Variants in CPSF2 observed in about 807,000 individuals in gnomAD.
The protein encoded by CPSF2 is cleavage and polyadenylation specificity factor subunit 2.
In CPSF2, 51 loss-of-function variants were observed where a neutral mutation model predicts 84.2. The observed-to-expected ratio is 0.61, with a 90% confidence interval of 0.48 to 0.77. The LOEUF (loss-of-function observed/expected upper bound fraction) is 0.77. Among genes scored for constraint, CPSF2 ranks in the 30% least tolerant of loss-of-function variants. The probability of loss-of-function intolerance (pLI) is 0.00; values close to 1 mark genes in which losing one functional copy is unlikely to be tolerated. For synonymous variants in CPSF2, 286 were observed against 311.9 expected, an observed-to-expected ratio of 0.92 and a Z score of 0.87; for missense variants, 641 against 929.4, an observed-to-expected ratio of 0.69 and a Z score of 4.03.
Position 92,166,381 on chromosome 14 carries a change from C to G in CPSF2, c.*4637C>G, listed in dbSNP as rs948450739. On this transcript the variant is annotated 3_prime_UTR_variant, in exon 16 of 16. Coordinates refer to ENST00000298875, the MANE Select transcript of CPSF2 (RefSeq NM_017437.3). The stretch of plus-strand genomic sequence containing the variant: ...TTTCTTTTTGAGGCAGGGTCTCACT[C>G]TGTCACGCAGGCTTGTGTGCATTGG... 6.6e-6 allele frequency: 1 copy of G among 152,100 alleles called. No individual in the cohort carries two copies. The highest frequency in any genetic ancestry group is 1.5e-5 in the Non-Finnish European group (1 of 68,044). The allele number at this position is 152,100 out of a possible 1,614,324, so 9.4% of individuals were successfully genotyped here. A position where few individuals can be genotyped will look rare whatever the true frequency, so the allele number is the denominator to read the frequency against.
In CPSF2 at chr14:92,161,875, T is replaced by C; in HGVS notation, c.*131T>C. The C allele has an allele frequency of 3.4e-6, 2 of 586,240 alleles. No homozygotes were observed. The highest frequency in any genetic ancestry group is 5.8e-6 in the Non-Finnish European group (2 of 342,214). The allele number at this position is 586,240 out of a possible 1,614,324, so 36.3% of individuals were successfully genotyped here. On this transcript the variant is annotated 3_prime_UTR_variant, in exon 16 of 16. Coordinates refer to ENST00000298875, the MANE Select transcript of CPSF2 (RefSeq NM_017437.3). The stretch of plus-strand genomic sequence containing the variant: ...GCCAGAAAAACTTACATGTATCAGA[T>C]TTTTAAAAATATAAATAGAGAACAT...
chr14:92,158,624 C>T (rs1056166200), intron 13 of CPSF2, among the ~76,000 whole-genome samples: 3 of 152,208 alleles, frequency 2.0e-5, no homozygotes, highest in Non-Finnish European at 2.9e-5. Flanking sequence ...TCAACCTTGA[C>T]TGCACATAAG....
chr14:92,130,825 A>T, intron 2 of CPSF2, 126 bp from the exon 3 acceptor site: 1 of 610,490 alleles, frequency 1.6e-6, no homozygotes, highest in Non-Finnish European at 2.6e-6. Flanking sequence ...ATGGGCCTTT[A>T]AACTGCTTTT....
intron 9 of CPSF2, among the ~76,000 whole-genome samples, chr14:92,146,754 C>G (rs1465427486): frequency 1.3e-5 from 2 of 152,186 alleles, no homozygotes. Context: ...TCTTCTCTTT[C>G]AATAAAATCC....
chr14:92,143,580 C>A (rs1350277623), intron 9 of CPSF2, among the ~76,000 whole-genome samples: 2 of 151,994 alleles, frequency 1.3e-5, no homozygotes, highest in East Asian at 3.9e-4. Flanking sequence ...CCTTTAATAG[C>A]ACAAATTTCA....
intron 11 of CPSF2, among the ~76,000 whole-genome samples, 183 bp from the exon 12 acceptor site, chr14:92,156,296 C>T (rs560417856): frequency 6.6e-6 from 1 of 151,878 alleles, no homozygotes; most frequent in African/African-American, 2.4e-5. Context: ...TCAAAAAAAA[C>T]CAAAAAACGC....
At chr14:92,129,486 C>T (rs1273230619) in intron 2 of CPSF2, among the ~76,000 whole-genome samples, 1 of 152,122 alleles carries the variant, frequency 6.6e-6, no homozygotes, top group Non-Finnish European at 1.5e-5. Flanking sequence ...GGTGGATATT[C>T]AGTTTACCTT....
rs201927639 is a variant in CPSF2, at chr14:92,170,113, C to CACT, written c.*8370_*8371insCTA. The CACT allele has an allele frequency of 0.019, 2,846 of 152,292 alleles. 40 individuals carry two copies. The highest frequency in any genetic ancestry group is 0.03 in the Non-Finnish European group (2,018 of 68,036). 9.4% of individuals were successfully genotyped at this position (152,292 alleles called of 1,614,324 possible). On this transcript the variant is annotated 3_prime_UTR_variant, in exon 16 of 16. Transcript: ENST00000298875. ...CGCCACTGCACTCCAGCCTGGGTGACAGAGTGAGACCCTGTCTCAAAAACA... is the reference window on the plus strand; with the variant it reads ...CGCCACTGCACTCCAGCCTGGGTGACACTAGAGTGAGACCCTGTCTCAAAAACA...
rs1281877980 is a variant in CPSF2 at position 92,163,595 on chromosome 14, G to C, written c.*1851G>C. The C allele has an allele frequency of 2.0e-5, 3 of 152,610 alleles. No homozygotes were observed. Among genetic ancestry groups the C allele is most frequent in the Non-Finnish European group, 4.4e-5 (3 of 68,048 alleles). The allele number at this position is 152,610 out of a possible 1,614,324, so 9.5% of individuals were successfully genotyped here. A position where few individuals can be genotyped will look rare whatever the true frequency, so the allele number is the denominator to read the frequency against. ...CTGTGTCCCCACCAAATTGAATTGT[G>C]TTAATAGTTCCCATAATCCCTACGT... On this transcript the variant is annotated 3_prime_UTR_variant, in exon 16 of 16. Coordinates refer to ENST00000298875, the MANE Select transcript of CPSF2 (RefSeq NM_017437.3).
chr14:92,140,634 A>G (rs1040179651), intron 7 of CPSF2, among the ~76,000 whole-genome samples: 3 of 151,756 alleles, frequency 2.0e-5, no homozygotes, highest in Non-Finnish European at 4.4e-5. Flanking sequence ...GGGTTTCACC[A>G]TGTTGGCCAG....
chr14:92,160,991 A>C, intron 14 of CPSF2, 121 bp from the exon 15 acceptor site: 1 of 927,130 alleles, frequency 1.1e-6, no homozygotes, highest in Non-Finnish European at 1.6e-6. Flanking sequence ...TGATCTGTCA[A>C]AGGACTTCAG....
chr14:92,132,783 C>CA (rs537137462), intron 3 of CPSF2, among the ~76,000 whole-genome samples: 3 of 147,364 alleles, frequency 2.0e-5, no homozygotes, highest in Admixed American at 6.8e-5. Context: ...AAAAAAAAAA[C>CA]AAAAAAAACA....
rs149291424 is a variant in CPSF2 at position 92,123,922 on chromosome 14, T to A, written c.-94+1794T>A. ...GAACATCCATTCAACAAATACTTTA[T>A]GTGCCTCCTTTATAACAAAATAACT... On this transcript the variant is annotated intron_variant, in intron 1 of 15. Transcript: ENST00000298875. Among the ~76,000 whole-genome samples, 40 of 152,342 alleles carry A rather than the reference T, an allele frequency of 2.6e-4. No individual in the cohort carries two copies. In the East Asian group the frequency reaches 7.7e-3, roughly 29 times the overall value.
At chr14:92,146,303 C>T (rs139091104) in intron 9 of CPSF2, among the ~76,000 whole-genome samples, 1,857 of 152,218 alleles carry the variant, frequency 0.012, 41 homozygotes, top group African/African-American at 0.042. Context: ...GGGCGGATCA[C>T]GAGGTCAGGA....
intron 11 of CPSF2, among the ~76,000 whole-genome samples, chr14:92,155,806 G>A (rs72691134): frequency 0.029 from 4,358 of 151,738 alleles, 90 homozygotes; most frequent in Non-Finnish European, 0.043. Flanking sequence ...GCTGGTGATT[G>A]CATTTCCAAT....
chr14:92,151,860 G>T lies in CPSF2; in HGVS notation c.1141-2498G>T, dbSNP rs1433552713. Among the ~76,000 whole-genome samples, 2 of 152,036 alleles carry T rather than the reference G, an allele frequency of 1.3e-5. 1 individual carries two copies. Among genetic ancestry groups the T allele is most frequent in the South Asian group, 4.1e-4 (2 of 4,822 alleles). On this transcript the variant is annotated intron_variant, in intron 9 of 15. Transcript: ENST00000298875. ...GAGACCAGCTTGGGCAGCATGTCAAGACTCGGTCTCTACAAAAAAAATACA... is the reference window on the plus strand; with the variant it reads ...GAGACCAGCTTGGGCAGCATGTCAATACTCGGTCTCTACAAAAAAAATACA...
rs1365599870 is a variant in CPSF2, at chr14:92,155,314, A to G, written c.1433A>G (p.Glu478Gly). 3 of 1,613,134 alleles carry G rather than the reference A, an allele frequency of 1.9e-6. No homozygotes were observed. The African/African-American group carries it at 4.0e-5, about 22-fold the overall frequency. Reference protein sequence around the residue: ...EERIKWDEYGEIIKPEDFLVP... With the variant: ...EERIKWDEYGGIIKPEDFLVP... ...AGAATTAAATGGGATGAATATGGAG[A>G]GATTATCAAGTATGTGAGCAAAACA... Residue 478 changes from glutamate to glycine, a missense_variant, in exon 11 of 16, where the codon GAG (glutamate) becomes GGG (glycine). Around this residue, in one of 2 missense-constraint regions of CPSF2, gnomAD observed 430 missense variants for 553.6 expected, o/e 0.78. Transcript: ENST00000298875.
chr14:92,164,665 A>G lies in CPSF2; in HGVS notation c.*2921A>G, dbSNP rs2069420116. The G allele has an allele frequency of 1.3e-5, 2 of 152,230 alleles. No homozygotes were observed. Among genetic ancestry groups the G allele is most frequent in the Admixed American group, 1.3e-4 (2 of 15,282 alleles). The allele number at this position is 152,230 out of a possible 1,614,324, so 9.4% of individuals were successfully genotyped here. Reference sequence around the variant, plus strand: ...TTGTTGCTGTAGGATTATAAATGTCAAATATCATTGTAAACATTTCTATAT... The same window carrying G: ...TTGTTGCTGTAGGATTATAAATGTCGAATATCATTGTAAACATTTCTATAT... On this transcript the variant is annotated 3_prime_UTR_variant, in exon 16 of 16. Transcript: ENST00000298875.
rs1475791248 is a variant in CPSF2, at chr14:92,162,073, C to T, written c.*329C>T. ...TGCAACTTAGCAAACCAATTTATGG[C>T]CTTAGAGAAACATTTTTGCATGAGT... is the stretch of plus-strand genomic sequence containing the variant. On this transcript the variant is annotated 3_prime_UTR_variant, in exon 16 of 16. Coordinates refer to ENST00000298875, the MANE Select transcript of CPSF2 (RefSeq NM_017437.3). 2 of 168,188 alleles carry T rather than the reference C, an allele frequency of 1.2e-5. No homozygotes were observed. The highest frequency in any genetic ancestry group is 2.4e-5 in the African/African-American group (1 of 42,126). 10.4% of individuals were successfully genotyped at this position (168,188 alleles called of 1,614,324 possible). A position where few individuals can be genotyped will look rare whatever the true frequency, so the allele number is the denominator to read the frequency against.
Sources: gnomAD v4.1 joint callset for allele counts (sites outside exome capture counted in the v4.1 genomes callset) on GRCh38, gnomAD v4.1.1 for gene constraint, gnomAD v4.1.1 regional missense constraint, MANE v1.5 for transcripts, NCBI Gene and HGNC (gene_info 2026-07-23, HGNC 2026-07-21) for gene names.